The following FOXP1 variants were observed in gnomAD, a reference collection of about 807,000 sequenced individuals.
FOXP1 encodes the protein forkhead box P1, also known as forkhead box protein P1.
Under a neutral mutation model 98.2 loss-of-function variants are expected in FOXP1, and 15 were observed. That is an observed-to-expected ratio of 0.15 (90% CI 0.10 to 0.24). FOXP1 has a LOEUF of 0.24. FOXP1 is among the 10% of genes least tolerant of loss of function. The pLI is 1.00. For synonymous variants in FOXP1, 371 were observed against 314.5 expected, an observed-to-expected ratio of 1.18 and a Z score of -1.90; for missense variants, 633 against 848.5, an observed-to-expected ratio of 0.75 and a Z score of 3.15.
intron 7 of FOXP1, among the ~76,000 whole-genome samples, chr3:71,111,151 C>A (rs1057353338): frequency 1.3e-5 from 2 of 152,152 alleles, no homozygotes; most frequent in Non-Finnish European, 2.9e-5. Flanking sequence ...TAAACACAAG[C>A]TAGAATTTAG....
chr3:71,328,229 G>A (rs543707992), intron 4 of FOXP1, among the ~76,000 whole-genome samples: 7 of 152,156 alleles, frequency 4.6e-5, no homozygotes, highest in Non-Finnish European at 8.8e-5. Context: ...AGGAGTTCAA[G>A]ACCAGCTTGG....
At chr3:71,238,465 G>A (rs895634764) in intron 5 of FOXP1, among the ~76,000 whole-genome samples, 1 of 152,116 alleles carries the variant, frequency 6.6e-6, no homozygotes, top group Non-Finnish European at 1.5e-5. Context: ...TACAAGGAAA[G>A]GGAAGATTCA....
rs142782440 is a variant in FOXP1, at chr3:71,515,497, A to G, written c.-297-21942T>C. 3.8e-3 allele frequency among the ~76,000 whole-genome samples: 571 copies of G among 151,228 alleles called. 3 individuals are homozygous for G. Among genetic ancestry groups the G allele is most frequent in the African/African-American group, 0.013 (520 of 41,118 alleles). On this transcript the variant is annotated intron_variant, in intron 2 of 20. Transcript: ENST00000649528. ...GAGCTCGCCGCAAGTCATTGGAATC[A>G]CGCTTGCAGGGTAACAGTCATTTTC...
intron 7 of FOXP1, among the ~76,000 whole-genome samples, chr3:71,068,752 G>A (rs1468733534): frequency 2.0e-5 from 3 of 152,138 alleles, no homozygotes; most frequent in Non-Finnish European, 4.4e-5. Flanking sequence ...TTCCAATTCC[G>A]GAGAGAGAAA....
At chr3:71,464,304 A>G (rs1387958459) in intron 3 of FOXP1, among the ~76,000 whole-genome samples, 1 of 152,178 alleles carries the variant, frequency 6.6e-6, no homozygotes, top group Admixed American at 6.5e-5. Context: ...GTAACTGCCT[A>G]CAGGTCTGCA....
chr3:71,454,935 T>C (rs1217192588), intron 3 of FOXP1, among the ~76,000 whole-genome samples: 1 of 152,182 alleles, frequency 6.6e-6, no homozygotes, highest in East Asian at 1.9e-4. Context: ...GCATCTCCTC[T>C]GTGCTGCTTC....
chr3:71,323,034 T>G (rs1293626632), intron 4 of FOXP1, among the ~76,000 whole-genome samples: 4 of 151,524 alleles, frequency 2.6e-5, no homozygotes, highest in African/African-American at 9.7e-5. Flanking sequence ...GCAGTGGCGT[T>G]ATCTTGGCTC....
At chr3:71,011,247 C>G (rs911728455) in intron 12 of FOXP1, among the ~76,000 whole-genome samples, 6 of 152,140 alleles carry the variant, frequency 3.9e-5, no homozygotes, top group Non-Finnish European at 5.9e-5. Context: ...TCATCCCCAG[C>G]CCCCATGTGG....
chr3:71,213,496 A>G (rs749323420), intron 5 of FOXP1, among the ~76,000 whole-genome samples: 1 of 152,222 alleles, frequency 6.6e-6, no homozygotes, highest in Non-Finnish European at 1.5e-5. Context: ...GCACCCCTTC[A>G]ATTTTTACCA....
intron 11 of FOXP1, among the ~76,000 whole-genome samples, chr3:71,031,607 A>G (rs2046874756): frequency 6.6e-6 from 1 of 152,198 alleles, no homozygotes; most frequent in African/African-American, 2.4e-5. Context: ...CAGATTTCTG[A>G]GGCGGATAAT....
chr3:71,557,662 G>A (rs1009518718), intron 2 of FOXP1, among the ~76,000 whole-genome samples: 3 of 152,192 alleles, frequency 2.0e-5, no homozygotes, highest in African/African-American at 7.2e-5. Context: ...TCCTGCCTCC[G>A]ACTTTCTGCT....
chr3:71,215,681 C>T (rs1177401445), intron 5 of FOXP1, among the ~76,000 whole-genome samples: 9 of 152,142 alleles, frequency 5.9e-5, no homozygotes. Context: ...ATGTGTTTTG[C>T]TGCTGTCTCC....
intron 3 of FOXP1, among the ~76,000 whole-genome samples, chr3:71,489,437 C>G (rs139379315): frequency 6.6e-6 from 1 of 152,196 alleles, no homozygotes; most frequent in African/African-American, 2.4e-5. Flanking sequence ...CAGAGACAGA[C>G]GAACAAACCA....
At chr3:71,319,024 A>G (rs1299251109) in intron 4 of FOXP1, among the ~76,000 whole-genome samples, 2 of 152,248 alleles carry the variant, frequency 1.3e-5, no homozygotes, top group African/African-American at 2.4e-5. Flanking sequence ...AGAGGGCAGA[A>G]ACATTTCAAA....
chr3:71,001,305 A>G (rs1197999833), intron 12 of FOXP1, among the ~76,000 whole-genome samples: 3 of 152,186 alleles, frequency 2.0e-5, no homozygotes, highest in African/African-American at 7.2e-5. Context: ...GGAGATAACC[A>G]TTTACACATA....
intron 6 of FOXP1, among the ~76,000 whole-genome samples, chr3:71,134,517 A>G (rs1433096325): frequency 1.3e-5 from 2 of 152,240 alleles, no homozygotes; most frequent in African/African-American, 4.8e-5. Context: ...AGCATTTCAT[A>G]TATAGCCAAG....
intron 20 of FOXP1, among the ~76,000 whole-genome samples, chr3:70,962,634 T>C (rs559058219): frequency 1.2e-4 from 19 of 152,374 alleles, no homozygotes; most frequent in Non-Finnish European, 2.2e-4. Flanking sequence ...CTGAAATTTA[T>C]GTTTTAGCTA....
At chr3:71,301,276 T>C (rs1327611914) in intron 4 of FOXP1, among the ~76,000 whole-genome samples, 2 of 152,196 alleles carry the variant, frequency 1.3e-5, no homozygotes, top group Non-Finnish European at 2.9e-5. Flanking sequence ...TGCTGATGTA[T>C]GTCCCCAAGA....
intron 3 of FOXP1, among the ~76,000 whole-genome samples, chr3:71,380,141 T>C (rs2080029204): frequency 6.6e-6 from 1 of 152,050 alleles, no homozygotes; most frequent in South Asian, 2.1e-4. Flanking sequence ...GGAGTTGGGA[T>C]ATAAAACCAA....
Sources: gnomAD v4.1 joint callset for allele counts (sites outside exome capture counted in the v4.1 genomes callset) on GRCh38, gnomAD v4.1.1 for gene constraint, MANE v1.5 for transcripts, NCBI Gene and HGNC (gene_info 2026-07-23, HGNC 2026-07-21) for gene names.